ATAD2B: variants seen among roughly 807,000 people sequenced by gnomAD.
ATAD2B encodes ATPase family AAA domain-containing protein 2B.
A neutral mutation model predicts 167.6 loss-of-function variants in ATAD2B; 40 were observed. The observed-to-expected ratio is 0.24, with a 90% confidence interval of 0.19 to 0.31. The LOEUF (loss-of-function observed/expected upper bound fraction) is 0.31. ATAD2B is among the 10% of genes least tolerant of loss of function. ATAD2B has a pLI of 1.00. For missense variants in ATAD2B, 1,242 were observed against 1,757.2 expected (o/e 0.71, Z 5.24); for synonymous variants, 579 against 596.5 (o/e 0.97, Z 0.43).
At chr2:23,840,099 T>C (rs190277273) in intron 13 of ATAD2B, among the ~76,000 whole-genome samples, 6 of 152,330 alleles carry the variant, frequency 3.9e-5, no homozygotes, top group Non-Finnish European at 5.9e-5. Flanking sequence ...TTCCATTATA[T>C]AGATATGCCA....
At chr2:23,699,525 G>C in the ATAD2B span, among the ~76,000 whole-genome samples, 4 of 152,144 alleles carry the variant, frequency 2.6e-5, no homozygotes, top group Admixed American at 6.6e-5. Context: ...CAGTGACCTG[G>C]CCAGGCTGCT....
At chr2:23,711,944 G>A in the ATAD2B span, among the ~76,000 whole-genome samples, 2 of 152,074 alleles carry the variant, frequency 1.3e-5, no homozygotes, top group Admixed American at 6.6e-5. Context: ...AAGGCATAGG[G>A]CTTCATCTTC....
intron 14 of ATAD2B, among the ~76,000 whole-genome samples, chr2:23,830,747 A>C (rs1181242431): frequency 6.6e-6 from 1 of 152,174 alleles, no homozygotes; most frequent in African/African-American, 2.4e-5. Flanking sequence ...TATCAACCTA[A>C]CAGCATATAT....
chr2:23,834,778 C>A (rs993759522), intron 13 of ATAD2B, among the ~76,000 whole-genome samples: 2 of 151,962 alleles, frequency 1.3e-5, no homozygotes, highest in African/African-American at 2.4e-5. Flanking sequence ...AAGGGCCAGG[C>A]GCGGTGGTGC....
intron 13 of ATAD2B, chr2:23,856,232 T>C (rs1319929173): frequency 5.8e-6 from 1 of 171,822 alleles, no homozygotes; most frequent in African/African-American, 2.4e-5. Flanking sequence ...ATTTTAAACT[T>C]GGGATATTTT....
intron 8 of ATAD2B, among the ~76,000 whole-genome samples, chr2:23,871,001 G>A (rs191939580): frequency 5.9e-5 from 9 of 151,908 alleles, no homozygotes; most frequent in Admixed American, 2.6e-4. Context: ...CCACAAAATT[G>A]TGTGCTCACG....
At chr2:23,769,212 G>A (rs1445307475) in intron 22 of ATAD2B, among the ~76,000 whole-genome samples, 3 of 152,088 alleles carry the variant, frequency 2.0e-5, no homozygotes, top group African/African-American at 7.2e-5. Context: ...AGGCCAAGGT[G>A]GGTGGATCAC....
the ATAD2B span, among the ~76,000 whole-genome samples, chr2:23,704,369 G>A: frequency 6.6e-6 from 1 of 152,350 alleles, no homozygotes; most frequent in African/African-American, 2.4e-5. Flanking sequence ...GTAGAGGGCT[G>A]AGTGTGGCTC....
At position 23,837,585 on chromosome 2, in the gene ATAD2B, C is replaced by T. The variant is rs191283149; in HGVS notation, c.1569-3507G>A. Among the ~76,000 whole-genome samples, 215 of 152,324 alleles carry T rather than the reference C, an allele frequency of 1.4e-3. 1 individual carries two copies. The highest frequency in any genetic ancestry group is 4.9e-3 in the African/African-American group (203 of 41,568). ...AAAAGCTCCGTGGAATGTGCAGCCC[C>T]GGCTACACCTCCCCAATACAGCAGG... On this transcript the variant is annotated intron_variant, in intron 13 of 27. Transcript: ENST00000238789.
chr2:23,727,020 AAC>A, the ATAD2B span, among the ~76,000 whole-genome samples: 2 of 152,250 alleles, frequency 1.3e-5, no homozygotes, highest in Non-Finnish European at 2.9e-5. Flanking sequence ...CAATTAAAAA[AAC>A]AGATTGTTAG....
At chr2:23,712,593 C>T in the ATAD2B span, among the ~76,000 whole-genome samples, 1 of 152,094 alleles carries the variant, frequency 6.6e-6, no homozygotes, top group Admixed American at 6.5e-5. Context: ...ACAGCAGCCT[C>T]GGCCCCAAAG....
At chr2:23,887,211 C>A (rs1011713817) in intron 4 of ATAD2B, among the ~76,000 whole-genome samples, 3 of 152,034 alleles carry the variant, frequency 2.0e-5, no homozygotes, top group Admixed American at 6.6e-5. Flanking sequence ...TTGCAGTGAG[C>A]CAAGATCGCG....
At chr2:23,853,785 A>C (rs965062862) in intron 13 of ATAD2B, among the ~76,000 whole-genome samples, 1 of 152,250 alleles carries the variant, frequency 6.6e-6, no homozygotes, top group Non-Finnish European at 1.5e-5. Context: ...ACTAAAATGA[A>C]CATTAATCAA....
At chr2:23,915,361 C>T (rs1702884267) in intron 1 of ATAD2B, among the ~76,000 whole-genome samples, 1 of 151,272 alleles carries the variant, frequency 6.6e-6, no homozygotes, top group Non-Finnish European at 1.5e-5. Context: ...CAGGTCAGTA[C>T]TATCCTAGGC....
chr2:23,696,183 G>C, the ATAD2B span: 1 of 1,526,498 alleles, frequency 6.6e-7, no homozygotes, highest in South Asian at 1.2e-5. The surrounding 1 kb of genome is among the most constrained non-coding windows in gnomAD (Gnocchi z 5.5). Flanking sequence ...GTCCCAAGGG[G>C]ACTGCTCCCC....
chr2:23,778,463 G>C lies in ATAD2B; in HGVS notation c.3133+4406C>G, dbSNP rs547954460. On this transcript the variant is annotated intron_variant, in intron 22 of 27. Transcript: ENST00000238789. ...AAAATAGAATTACATTTAAAGTATGGTCCAGGGAATGTAATAAGCACAAAG... is the reference window on the plus strand; with the variant it reads ...AAAATAGAATTACATTTAAAGTATGCTCCAGGGAATGTAATAAGCACAAAG... Among the ~76,000 whole-genome samples, 11 of 152,230 alleles carry C rather than the reference G, an allele frequency of 7.2e-5. No homozygotes were observed. In the East Asian group the frequency reaches 2.1e-3, roughly 29 times the overall value.
intron 9 of ATAD2B, 81 bp from the exon 10 acceptor site, chr2:23,868,027 G>A: frequency 1.1e-6 from 1 of 883,522 alleles, no homozygotes; most frequent in Non-Finnish European, 1.8e-6. Context: ...ATTCTTTGAT[G>A]TGTCTTCATC....
At chr2:23,745,422 A>AAGGAAGGC (rs1491261605), downstream of ATAD2B, among the ~76,000 whole-genome samples, 1 of 85,012 alleles carries the variant, frequency 1.2e-5, no homozygotes, top group Non-Finnish European at 2.4e-5. Context: ...GGAAGGAAGG[A>AAGGAAGGC]AAGGGAAGGG....
intron 14 of ATAD2B, among the ~76,000 whole-genome samples, chr2:23,829,690 G>A (rs1442931059): frequency 6.6e-6 from 1 of 152,160 alleles, no homozygotes; most frequent in East Asian, 1.9e-4. Flanking sequence ...GAGAGGTCGA[G>A]GCCTGCAGTG....
Sources: allele counts gnomAD v4.1 joint callset (sites outside exome capture counted in the v4.1 genomes callset), GRCh38; gene constraint gnomAD v4.1.1; non-coding constraint Gnocchi (gnomAD v3.1); transcripts MANE v1.5; gene names NCBI Gene and HGNC (gene_info 2026-07-23, HGNC 2026-07-21).